The following ZEB2 variants were observed in gnomAD, a reference collection of about 807,000 sequenced individuals.
The protein encoded by ZEB2 is zinc finger E-box-binding homeobox 2.
A neutral mutation model predicts 99.9 loss-of-function variants in ZEB2; 6 were observed. That is an observed-to-expected ratio of 0.06 (90% CI 0.03 to 0.12). ZEB2 has a LOEUF of 0.12. Among genes scored for constraint, ZEB2 ranks in the 10% least tolerant of loss-of-function variants. The probability of loss-of-function intolerance (pLI) is 1.00; values close to 1 mark genes in which losing one functional copy is unlikely to be tolerated. For missense variants in ZEB2, 969 were observed against 1,502.8 expected (o/e 0.64, Z 5.87); for synonymous variants, 517 against 542.5 (o/e 0.95, Z 0.65).
intron 4 of ZEB2, among the ~76,000 whole-genome samples, chr2:144,419,229 G>T (rs1703585841): frequency 6.6e-6 from 1 of 152,132 alleles, no homozygotes; most frequent in Non-Finnish European, 1.5e-5. Context: ...AATAATTTAT[G>T]TATTATTCTT....
At chr2:144,445,584 A>AC (rs1302163182) in intron 2 of ZEB2, among the ~76,000 whole-genome samples, 1 of 152,128 alleles carries the variant, frequency 6.6e-6, no homozygotes, top group South Asian at 2.1e-4. Flanking sequence ...CTTAGGTGGT[A>AC]CCTTTTGCTC....
intron 2 of ZEB2, among the ~76,000 whole-genome samples, chr2:144,443,535 T>C (rs1005391142): frequency 3.1e-4 from 47 of 152,226 alleles, no homozygotes; most frequent in Non-Finnish European, 5.0e-4. Flanking sequence ...TTACTGTACA[T>C]TCTGTTAATA....
At position 144,421,907 on chromosome 2, in the gene ZEB2, A is replaced by G. The variant is rs555879543; in HGVS notation, c.403+2889T>C. ...ATTCCCATATCTATATATCTTTTAT[A>G]TGAAAATACTTGTGTCTAAAGGCTG... On this transcript the variant is annotated intron_variant, in intron 4 of 9. Coordinates refer to ENST00000627532, the MANE Select transcript of ZEB2 (RefSeq NM_014795.4). Among the ~76,000 whole-genome samples the G allele has an allele frequency of 2.0e-5, 3 of 152,314 alleles. No individual in the cohort carries two copies. The South Asian group carries it at 6.2e-4, about 32-fold the overall frequency.
chr2:144,502,630 A>C (rs1313399557), intron 2 of ZEB2, among the ~76,000 whole-genome samples: 1 of 152,182 alleles, frequency 6.6e-6, no homozygotes, highest in African/African-American at 2.4e-5. Flanking sequence ...TGAAGAGTGG[A>C]AAGAGAGGCA....
At position 144,399,466 on chromosome 2, in the gene ZEB2, T is replaced by C; in HGVS notation, c.1721A>G (p.Asn574Ser). 1 of 1,614,170 alleles carries C rather than the reference T, an allele frequency of 6.2e-7. No individual in the cohort carries two copies. The highest frequency in any genetic ancestry group is 8.5e-7 in the Non-Finnish European group (1 of 1,180,026). The change falls in exon 8 of 10, where the codon AAC (asparagine) becomes AGC (serine). Residue 574 changes from asparagine (N) to serine (S), a missense_variant. By Grantham distance (46) the Asn-to-Ser change is conservative. Coordinates refer to ENST00000627532, the MANE Select transcript of ZEB2 (RefSeq NM_014795.4). This position sits in a 1 kb window ranked among gnomAD's most constrained non-coding sequence, Gnocchi z 5.6. ...TGAAAATGGAGTGGATATGTTGTGGTTCTCAATCATTTTGTCATCAGTGAC... is the reference window on the plus strand; with the variant it reads ...TGAAAATGGAGTGGATATGTTGTGGCTCTCAATCATTTTGTCATCAGTGAC... ...DLVTDDKMIE[N>S]HNISTPFSCQ...
At position 144,384,602 on chromosome 2, in the gene ZEB2, G is replaced by A. The variant is rs1311211746; in HGVS notation, c.*4849C>T. On this transcript the variant is annotated 3_prime_UTR_variant, in exon 10 of 10. Transcript: ENST00000627532. ...TTGACATTTTTATTTTGGGAAAGGA[G>A]GTCTTTTTTTTTTTTAACATGGATA... The A allele has an allele frequency of 1.4e-5, 2 of 147,348 alleles. No individual in the cohort carries two copies. Among genetic ancestry groups the A allele is most frequent in the Middle Eastern group, 3.2e-3 (1 of 310 alleles). 9.1% of individuals were successfully genotyped at this position (147,348 alleles called of 1,614,324 possible).
chr2:144,462,832 G>T (rs1432629401), intron 2 of ZEB2: 1 of 152,138 alleles, frequency 6.6e-6, no homozygotes, highest in African/African-American at 2.4e-5. Flanking sequence ...AAGGGAAAGT[G>T]GCCCTCATGT....
intron 2 of ZEB2, among the ~76,000 whole-genome samples, chr2:144,440,227 A>G (rs1034129456): frequency 2.0e-5 from 3 of 152,174 alleles, no homozygotes; most frequent in African/African-American, 4.8e-5. Flanking sequence ...GCTGCTTTGC[A>G]TATGTCAAAC....
At chr2:144,515,843 A>C (rs1485844631) in intron 2 of ZEB2, 1 of 152,236 alleles carries the variant, frequency 6.6e-6, no homozygotes, top group Non-Finnish European at 1.5e-5. Flanking sequence ...GTCTCTAATC[A>C]AAATTCTCTC....
intron 2 of ZEB2, chr2:144,511,297 G>T: frequency 1.3e-6 from 1 of 791,276 alleles, no homozygotes; most frequent in Non-Finnish European, 1.6e-6. Flanking sequence ...AAAGATACAC[G>T]CATGGATGGC....
At chr2:144,391,131 C>A (rs1703149698) in intron 9 of ZEB2, among the ~76,000 whole-genome samples, 2 of 152,204 alleles carry the variant, frequency 1.3e-5, no homozygotes, top group Admixed American at 1.3e-4. Context: ...AGTTTAGGGA[C>A]CCATTCTATA....
intron 2 of ZEB2, among the ~76,000 whole-genome samples, chr2:144,517,006 G>A (rs1207168195): frequency 6.7e-6 from 1 of 149,726 alleles, no homozygotes; most frequent in African/African-American, 2.4e-5. Flanking sequence ...CTCGAGGGGG[G>A]CAGCGGGGCT....
At chr2:144,502,506 T>C (rs1184446471) in intron 2 of ZEB2, among the ~76,000 whole-genome samples, 1 of 152,190 alleles carries the variant, frequency 6.6e-6, no homozygotes, top group African/African-American at 2.4e-5. Flanking sequence ...TAGCTCCCTG[T>C]ATCTTCTCAC....
intron 4 of ZEB2, among the ~76,000 whole-genome samples, chr2:144,412,686 C>T (rs1703482098): frequency 6.6e-6 from 1 of 152,214 alleles, no homozygotes. Context: ...ACATTCATAA[C>T]ATGATTTTGG....
At chr2:144,500,499 G>A (rs1353237608) in intron 2 of ZEB2, among the ~76,000 whole-genome samples, 3 of 152,032 alleles carry the variant, frequency 2.0e-5, no homozygotes, top group East Asian at 1.9e-4. Flanking sequence ...TGATTGCTGC[G>A]GCGTATATTT....
chr2:144,411,046 T>A (rs909497838), intron 4 of ZEB2, among the ~76,000 whole-genome samples: 2 of 123,284 alleles, frequency 1.6e-5, no homozygotes, highest in Admixed American at 1.8e-4. Context: ...TTCTGCAATA[T>A]ACAGACATGT....
In ZEB2 at chr2:144,399,081, A is replaced by G. The variant is rs1560606563; in HGVS notation, c.2106T>C (p.Asn702=). 6.2e-7 allele frequency: 1 copy of G among 1,614,164 alleles called. No individual in the cohort carries two copies. Among genetic ancestry groups the G allele is most frequent in the Non-Finnish European group, 8.5e-7 (1 of 1,180,028 alleles). The change falls in exon 8 of 10, where the codon AAT becomes AAC. Residue 702 remains asparagine, a synonymous_variant. Transcript: ENST00000627532. The surrounding 1 kb of genome is among the most constrained non-coding windows in gnomAD (Gnocchi z 5.6). ...FEQRKVYQYS[N]SRSPSLERSS... ...TTCTTTCCAGGGATGGGGACCTGGAATTTGAGTACTGGTAGACTTTTCGTT... is the reference window on the plus strand; with the variant it reads ...TTCTTTCCAGGGATGGGGACCTGGAGTTTGAGTACTGGTAGACTTTTCGTT...
intron 2 of ZEB2, among the ~76,000 whole-genome samples, chr2:144,474,799 T>C (rs1303595188): frequency 6.6e-6 from 1 of 152,208 alleles, no homozygotes; most frequent in Non-Finnish European, 1.5e-5. Flanking sequence ...TCTTTTTGAG[T>C]ATTTCGGTTC....
intron 2 of ZEB2, chr2:144,495,844 T>C (rs1366906122): frequency 3.3e-5 from 5 of 152,222 alleles, no homozygotes; most frequent in Admixed American, 2.6e-4. Context: ...GCTCCCTATA[T>C]GCAGAAAAGA....
Sources: allele counts gnomAD v4.1 joint callset (sites outside exome capture counted in the v4.1 genomes callset), GRCh38; gene constraint gnomAD v4.1.1; non-coding constraint Gnocchi (gnomAD v3.1); transcripts MANE v1.5; gene names NCBI Gene and HGNC (gene_info 2026-07-23, HGNC 2026-07-21).